The following CCSER1 variants were observed in gnomAD, a reference collection of about 807,000 sequenced individuals.
CCSER1 encodes the protein serine-rich coiled-coil domain-containing protein 1.
A neutral mutation model predicts 82.0 loss-of-function variants in CCSER1; 41 were observed. The observed-to-expected ratio is 0.50, with a 90% CI of 0.39 to 0.65. The LOEUF is 0.65. Ranked by LOEUF, CCSER1 falls within the 30% of genes least tolerant of loss-of-function variation. The pLI is 0.00. For missense variants in CCSER1, 1,119 were observed against 1,064.2 expected (o/e 1.05, Z -0.72); for synonymous variants, 414 against 383.9 (o/e 1.08, Z -0.92).
chr4:91,249,685 G>A (rs1740099735), intron 10 of CCSER1, among the ~76,000 whole-genome samples: 1 of 151,912 alleles, frequency 6.6e-6, no homozygotes, highest in Non-Finnish European at 1.5e-5. Flanking sequence ...TCTTTTCTGA[G>A]TCCTAAAGTT....
chr4:91,581,873 TA>T (rs76172549), intron 10 of CCSER1, among the ~76,000 whole-genome samples: 1 of 151,306 alleles, frequency 6.6e-6, no homozygotes, highest in Non-Finnish European at 1.5e-5. Context: ...TTAATAACAT[TA>T]AAAAATGTTC....
intron 6 of CCSER1, among the ~76,000 whole-genome samples, chr4:90,666,602 A>G (rs2149123597): frequency 6.6e-6 from 1 of 152,308 alleles, no homozygotes; most frequent in Admixed American, 6.5e-5. Context: ...ACTGCAGGCT[A>G]TGGAGTGGTG....
At chr4:90,441,711 A>G (rs1038358986) in intron 4 of CCSER1, among the ~76,000 whole-genome samples, 3 of 152,218 alleles carry the variant, frequency 2.0e-5, no homozygotes, top group Admixed American at 1.3e-4. Flanking sequence ...TATTGCATGT[A>G]AGAGACAAAC....
intron 10 of CCSER1, among the ~76,000 whole-genome samples, chr4:91,597,746 C>G (rs1764651001): frequency 6.6e-6 from 1 of 151,636 alleles, no homozygotes. Context: ...TTCTTTGTAG[C>G]AACAATAAAT....
chr4:91,247,164 T>A (rs1309181155), intron 10 of CCSER1, among the ~76,000 whole-genome samples: 2 of 151,682 alleles, frequency 1.3e-5, no homozygotes, highest in Non-Finnish European at 2.9e-5. Context: ...TAGCCGGGTG[T>A]GGTGGTGGGC....
intron 8 of CCSER1, among the ~76,000 whole-genome samples, chr4:90,860,153 A>G (rs1045079150): frequency 1.3e-5 from 2 of 151,704 alleles, no homozygotes; most frequent in African/African-American, 4.8e-5. Context: ...ATAATTCAAC[A>G]ATAAAAAGAA....
chr4:90,999,998 G>C (rs1737862302), intron 9 of CCSER1, among the ~76,000 whole-genome samples: 1 of 150,926 alleles, frequency 6.6e-6, no homozygotes, highest in Admixed American at 6.6e-5. Context: ...TCATTCTTCT[G>C]CATATGGCTA....
intron 10 of CCSER1, among the ~76,000 whole-genome samples, chr4:91,298,434 G>A (rs4608766): frequency 0.35 from 52,512 of 151,746 alleles, 9,232 homozygotes; most frequent in Middle Eastern, 0.45. Context: ...GCTAAAGGAG[G>A]CCTGCCCTTG....
At chr4:90,748,524 C>T (rs375257010) in intron 7 of CCSER1, among the ~76,000 whole-genome samples, 28,943 of 134,256 alleles carry the variant, frequency 0.22, 3,701 homozygotes, top group Middle Eastern at 0.28. Context: ...TATAGCAGCA[C>T]GATTTATAGT....
At chr4:90,270,492 C>T (rs1048226903) in intron 1 of CCSER1, among the ~76,000 whole-genome samples, 1 of 151,938 alleles carries the variant, frequency 6.6e-6, no homozygotes, top group African/African-American at 2.4e-5. Context: ...AAGGAACACA[C>T]CTCAACATAA....
chr4:90,312,972 A>G lies in CCSER1; in HGVS notation c.1434A>G (p.Lys478=). 1 of 1,602,174 alleles carries G rather than the reference A, an allele frequency of 6.2e-7. No individual in the cohort carries two copies. The highest frequency in any genetic ancestry group is 8.5e-7 in the Non-Finnish European group (1 of 1,173,666). Residue 478 remains lysine (K), a synonymous_variant, in exon 3 of 11, where the codon AAA becomes AAG. Transcript: ENST00000509176. The part of the protein sequence containing the change: ...AGSSRMILKP[K]DGNIEEVNSL... ...GTAGCAGAATGATTTTGAAACCGAA[A>G]GATGGAAATATAGAAGAAGTTAATA...
At chr4:90,712,158 T>A (rs978102666) in intron 6 of CCSER1, among the ~76,000 whole-genome samples, 1 of 152,058 alleles carries the variant, frequency 6.6e-6, no homozygotes, top group Admixed American at 6.6e-5. Flanking sequence ...GCAGCTCTGA[T>A]TTTGGTTATT....
intron 10 of CCSER1, among the ~76,000 whole-genome samples, chr4:91,331,282 T>C (rs1316508273): frequency 6.6e-6 from 1 of 152,160 alleles, no homozygotes; most frequent in Non-Finnish European, 1.5e-5. Context: ...ATGTGTTACA[T>C]CCCACTATGG....
At chr4:90,646,743 C>T (rs1727676617) in intron 6 of CCSER1, among the ~76,000 whole-genome samples, 1 of 152,110 alleles carries the variant, frequency 6.6e-6, no homozygotes, top group South Asian at 2.1e-4. Context: ...AGCAGTAAAG[C>T]AATGCATAGA....
chr4:90,441,178 G>C (rs183382797), intron 4 of CCSER1, among the ~76,000 whole-genome samples: 2 of 152,020 alleles, frequency 1.3e-5, no homozygotes, highest in African/African-American at 4.8e-5. Context: ...GCTTCCTCAC[G>C]CAAGAAAATC....
At chr4:90,326,493 C>A (rs1002210567) in intron 3 of CCSER1, among the ~76,000 whole-genome samples, 1 of 146,178 alleles carries the variant, frequency 6.8e-6, no homozygotes, top group Non-Finnish European at 1.5e-5. Flanking sequence ...ATATATATAT[C>A]TTCTGTTGTT....
At chr4:90,466,955 T>C (rs2153587266) in intron 4 of CCSER1, among the ~76,000 whole-genome samples, 1 of 152,330 alleles carries the variant, frequency 6.6e-6, no homozygotes, top group Non-Finnish European at 1.5e-5. Flanking sequence ...ATAGCTTGTG[T>C]TCATTATTAA....
intron 5 of CCSER1, among the ~76,000 whole-genome samples, chr4:90,513,571 C>T (rs1222743054): frequency 6.6e-6 from 1 of 152,124 alleles, no homozygotes; most frequent in African/African-American, 2.4e-5. Flanking sequence ...TTTTGTCCCT[C>T]CTCCCCATCT....
At chr4:90,137,116 A>G (rs1477312108) in intron 1 of CCSER1, among the ~76,000 whole-genome samples, 2 of 152,210 alleles carry the variant, frequency 1.3e-5, no homozygotes, top group East Asian at 3.8e-4. Flanking sequence ...TAGGAATATT[A>G]AAAGTACTCA....
Sources: allele counts gnomAD v4.1 joint callset (sites outside exome capture counted in the v4.1 genomes callset), GRCh38; gene constraint gnomAD v4.1.1; transcripts MANE v1.5; gene names NCBI Gene and HGNC (gene_info 2026-07-23, HGNC 2026-07-21).